The following SMARCAL1 variants were observed in gnomAD, a reference collection of about 807,000 sequenced individuals.
SMARCAL1 encodes the protein ATP-driven annealing helicase.
Under a neutral mutation model 94.5 loss-of-function variants are expected in SMARCAL1, and 58 were observed. The observed-to-expected ratio is 0.61, with a 90% CI of 0.50 to 0.76. The LOEUF (loss-of-function observed/expected upper bound fraction) is 0.76. Ranked by LOEUF, SMARCAL1 falls within the 30% of genes least tolerant of loss-of-function variation. SMARCAL1 has a pLI of 0.00. For synonymous variants in SMARCAL1, 422 were observed against 455.1 expected (o/e 0.93, Z 0.93); for missense variants, 1,051 against 1,177.9 (o/e 0.89, Z 1.58).
At chr2:216,426,986 CCT>C (rs1463428874) in intron 6 of SMARCAL1, 1 of 152,198 alleles carries the variant, frequency 6.6e-6, no homozygotes, top group African/African-American at 2.4e-5. Context: ...AAGCTTTCCT[CCT>C]CTCTCTTTTC....
chr2:216,458,524 C>T (rs906307935), intron 12 of SMARCAL1, among the ~76,000 whole-genome samples: 1 of 152,160 alleles, frequency 6.6e-6, no homozygotes, highest in African/African-American at 2.4e-5. Context: ...AAGGCTGGTT[C>T]AACATACGCA....
chr2:216,475,542 C>T lies in SMARCAL1; in HGVS notation c.2427+91C>T. 1 of 1,327,540 alleles carries T rather than the reference C, an allele frequency of 7.5e-7. No homozygotes were observed. The highest frequency in any genetic ancestry group is 1.4e-5 in the African/African-American group (1 of 69,374). The allele number at this position is 1,327,540 out of a possible 1,614,324, so 82.2% of individuals were successfully genotyped here. On this transcript the variant is annotated intron_variant, in intron 15 of 17. Transcript: ENST00000357276. This position sits in a 1 kb window ranked among gnomAD's most constrained non-coding sequence, Gnocchi z 4.4. ...GTGTCGGTCGGGGAAAGTGTGGTTT[C>T]CCTTTTATCCATTCATTATACTTCC...
At chr2:216,452,899 A>T (rs1694481165) in intron 12 of SMARCAL1, among the ~76,000 whole-genome samples, 1 of 152,208 alleles carries the variant, frequency 6.6e-6, no homozygotes, top group African/African-American at 2.4e-5. Flanking sequence ...CTATGAAATT[A>T]ACTAGGAGGT....
intron 12 of SMARCAL1, among the ~76,000 whole-genome samples, chr2:216,454,759 A>G (rs2086834): frequency 1.3e-5 from 2 of 152,198 alleles, no homozygotes; most frequent in Non-Finnish European, 2.9e-5. Context: ...TCCAGTCTAC[A>G]GCTCCCAGCG....
At chr2:216,451,775 A>G (rs1261958079) in intron 12 of SMARCAL1, among the ~76,000 whole-genome samples, 2 of 152,220 alleles carry the variant, frequency 1.3e-5, no homozygotes, top group East Asian at 1.9e-4. Flanking sequence ...TACTGTGCTA[A>G]GTGCTATAAT....
intron 11 of SMARCAL1, among the ~76,000 whole-genome samples, chr2:216,447,955 C>T (rs1252288079): frequency 6.6e-6 from 1 of 152,182 alleles, no homozygotes; most frequent in African/African-American, 2.4e-5. Context: ...ACTTACCCTA[C>T]AAGCCATCTA....
At chr2:216,454,695 A>T (rs1222397228) in intron 12 of SMARCAL1, among the ~76,000 whole-genome samples, 5 of 151,974 alleles carry the variant, frequency 3.3e-5, no homozygotes, top group Admixed American at 2.0e-4. Context: ...TTATTACTAT[A>T]CTATAAAAAA....
At chr2:216,421,693 C>T (rs1317206261) in intron 5 of SMARCAL1, among the ~76,000 whole-genome samples, 1 of 152,104 alleles carries the variant, frequency 6.6e-6, no homozygotes, top group Non-Finnish European at 1.5e-5. Flanking sequence ...CAGCTTGGGC[C>T]ACATTGTTTT....
chr2:216,456,204 C>G (rs1429924325), intron 12 of SMARCAL1, among the ~76,000 whole-genome samples: 1 of 152,016 alleles, frequency 6.6e-6, no homozygotes, highest in African/African-American at 2.4e-5. Flanking sequence ...GTGAAAAGAC[C>G]AAATCTACAT....
chr2:216,423,823 G>A (rs1203034547), intron 6 of SMARCAL1, 140 bp downstream of exon 6: 5 of 769,982 alleles, frequency 6.5e-6, no homozygotes, highest in South Asian at 1.5e-5. Flanking sequence ...GTAAAGGTGA[G>A]GATGCAGCCT....
chr2:216,424,947 G>T (rs1041663176), intron 6 of SMARCAL1, among the ~76,000 whole-genome samples: 2 of 152,112 alleles, frequency 1.3e-5, no homozygotes, highest in African/African-American at 4.8e-5. Context: ...TTGAGGCAGG[G>T]TCTCGCTGTC....
chr2:216,424,982 G>A (rs1169144139), intron 6 of SMARCAL1, among the ~76,000 whole-genome samples: 1 of 152,128 alleles, frequency 6.6e-6, no homozygotes, highest in East Asian at 1.9e-4. Context: ...GCAGTGGCAT[G>A]ATCTCAGCTC....
At chr2:216,459,118 A>T (rs1330106238) in intron 12 of SMARCAL1, among the ~76,000 whole-genome samples, 1 of 152,156 alleles carries the variant, frequency 6.6e-6, no homozygotes, top group Non-Finnish European at 1.5e-5. Flanking sequence ...TAGGAATCCA[A>T]CTTACAAGGG....
intron 3 of SMARCAL1, 72 bp from the exon 4 acceptor site, chr2:216,416,185 T>G: frequency 7.6e-7 from 1 of 1,317,082 alleles, no homozygotes; most frequent in South Asian, 1.2e-5. Context: ...ATTCATTCAT[T>G]TAGAAGACAA....
intron 13 of SMARCAL1, among the ~76,000 whole-genome samples, chr2:216,467,196 T>C (rs965977262): frequency 1.4e-4 from 22 of 151,890 alleles, no homozygotes; most frequent in African/African-American, 5.3e-4. Flanking sequence ...GCTTGCCGGG[T>C]GCGGTGGCTC....
intron 6 of SMARCAL1, chr2:216,427,374 A>G (rs1559124828): frequency 1.3e-5 from 2 of 152,394 alleles, no homozygotes; most frequent in African/African-American, 4.8e-5. Flanking sequence ...AAATGGCCGA[A>G]GGAACATAAC....
chr2:216,448,951 T>C (rs1036139827), intron 11 of SMARCAL1, among the ~76,000 whole-genome samples: 2 of 152,240 alleles, frequency 1.3e-5, no homozygotes, highest in African/African-American at 4.8e-5. Context: ...TCTTAGTCTG[T>C]TTTCTGTTGC....
At position 216,420,589 on chromosome 2, in the gene SMARCAL1, A is replaced by G. The variant is rs1292423427; in HGVS notation, c.1096+57A>G. 5.0e-6 allele frequency: 7 copies of G among 1,401,092 alleles called. No homozygotes were observed. The African/African-American group carries it at 8.5e-5, about 17-fold the overall frequency. 86.8% of individuals were successfully genotyped at this position (1,401,092 alleles called of 1,614,324 possible). A position where few individuals can be genotyped will look rare whatever the true frequency, so the allele number is the denominator to read the frequency against. On this transcript the variant is annotated intron_variant, in intron 5 of 17. Coordinates refer to ENST00000357276, the MANE Select transcript of SMARCAL1 (RefSeq NM_014140.4). ...ATGTGTAGTGGTCTGTGATCTCAACATAGGGTGTTTTTCTCTACCTCGAAT... is the reference window on the plus strand; with the variant it reads ...ATGTGTAGTGGTCTGTGATCTCAACGTAGGGTGTTTTTCTCTACCTCGAAT...
At chr2:216,446,861 C>A in intron 10 of SMARCAL1, 157 bp from the exon 11 acceptor site, 1 of 752,398 alleles carries the variant, frequency 1.3e-6, no homozygotes, top group Non-Finnish European at 2.3e-6. Context: ...AAAGGAGATG[C>A]CATCTAACTG....
Sources: gnomAD v4.1 joint callset for allele counts (sites outside exome capture counted in the v4.1 genomes callset) on GRCh38, gnomAD v4.1.1 for gene constraint, Gnocchi (gnomAD v3.1) non-coding constraint, MANE v1.5 for transcripts, NCBI Gene and HGNC (gene_info 2026-07-23, HGNC 2026-07-21) for gene names.